Variants in ANAPC1 observed in about 807,000 individuals in gnomAD.
ANAPC1 encodes the protein anaphase-promoting complex subunit 1.
In ANAPC1, 36 loss-of-function variants were observed where a neutral mutation model predicts 208.0. That is an observed-to-expected ratio of 0.17 (90% CI 0.13 to 0.23). The LOEUF (loss-of-function observed/expected upper bound fraction) is 0.23. ANAPC1 is among the 10% of genes least tolerant of loss of function. ANAPC1 has a pLI of 1.00. For missense variants in ANAPC1, 942 were observed against 2,011.6 expected (o/e 0.47, Z 10.17); for synonymous variants, 378 against 695.2 (o/e 0.54, Z 7.18).
intron 9 of ANAPC1, among the ~76,000 whole-genome samples, chr2:111,863,074 C>T (rs1164279812): frequency 3.3e-5 from 5 of 151,972 alleles, no homozygotes; most frequent in Admixed American, 6.6e-5. Context: ...AATAGTGCCA[C>T]AGTATTTTGG....
chr2:111,819,978 C>G (rs369974158), intron 26 of ANAPC1, among the ~76,000 whole-genome samples: 2 of 152,158 alleles, frequency 1.3e-5, no homozygotes, highest in Admixed American at 1.3e-4. Flanking sequence ...AAATCTTACA[C>G]ATAATTCACT....
chr2:111,831,335 G>A lies in ANAPC1; in HGVS notation c.2576C>T (p.Pro859Leu), dbSNP rs141167389. The stretch of plus-strand genomic sequence containing the variant: ...ACAGATTCCAGGGAGGTAAGGATAA[G>A]GTGGCATTCCTTCACCCTTCAGACA... ...SSCLKGEGMP[P>L]YPYLPGICER... Residue 859 changes from proline to leucine, a missense_variant, in exon 21 of 48, where the codon CCT (proline) becomes CTT (leucine). Transcript: ENST00000341068. The A allele has an allele frequency of 6.2e-7, 1 of 1,611,898 alleles. No individual in the cohort carries two copies. The highest frequency in any genetic ancestry group is 1.3e-5 in the African/African-American group (1 of 74,948).
Position 111,862,402 on chromosome 2 carries a change from T to A in ANAPC1, c.1249A>T (p.Ile417Phe). 1 of 1,552,796 alleles carries A rather than the reference T, an allele frequency of 6.4e-7. No homozygotes were observed. Among genetic ancestry groups the A allele is most frequent in the Non-Finnish European group, 8.7e-7 (1 of 1,152,152 alleles). Residue 417 changes from isoleucine to phenylalanine, a missense_variant, in exon 10 of 48, where the codon ATT (isoleucine) becomes TTT (phenylalanine). Coordinates refer to ENST00000341068, the MANE Select transcript of ANAPC1 (RefSeq NM_022662.4). The part of the protein sequence containing the change: ...LCIDHLWTET[I>F]TNIREKNSQA... ...TATATAACAAACCTTATATTAGTAA[T>A]CGTTTCTGTCCACAAATGGTCAATA...
rs752203127 is a variant in ANAPC1, at chr2:111,794,243, A to G, written c.4454T>C (p.Phe1485Ser). ...RFAGSENLSA[F>S]NCLHKFAKDF... ...TAAAATACTTCTTACCAAACAGTTAAATGCTGATAAGTTTTCTGAGCCAGC... is the reference window on the plus strand; with the variant it reads ...TAAAATACTTCTTACCAAACAGTTAGATGCTGATAAGTTTTCTGAGCCAGC... Residue 1485 changes from phenylalanine to serine, a missense_variant, in exon 36 of 48, where the codon TTT (phenylalanine) becomes TCT (serine). Coordinates refer to ENST00000341068, the MANE Select transcript of ANAPC1 (RefSeq NM_022662.4). The G allele has an allele frequency of 6.2e-7, 1 of 1,612,220 alleles. No homozygotes were observed. The highest frequency in any genetic ancestry group is 8.5e-7 in the Non-Finnish European group (1 of 1,179,260).
chr2:111,871,606 G>T (rs1191047284), intron 6 of ANAPC1, among the ~76,000 whole-genome samples: 1 of 152,098 alleles, frequency 6.6e-6, no homozygotes, highest in East Asian at 1.9e-4. Context: ...CAAAAAATTA[G>T]CCAGGCGTGG....
rs563458133 is a variant in ANAPC1, at chr2:111,846,703, G to A, written c.1852+435C>T. ...TCCTGCTTCAGACTCCCAAGTAGCT[G>A]AGATTACAGAAGTGCGCCACCACAC... On this transcript the variant is annotated intron_variant, in intron 16 of 47. Coordinates refer to ENST00000341068, the MANE Select transcript of ANAPC1 (RefSeq NM_022662.4). 1.4e-4 allele frequency among the ~76,000 whole-genome samples: 21 copies of A among 150,864 alleles called. 1 individual carries two copies. In the East Asian group the frequency reaches 4.1e-3, roughly 30 times the overall value.
At chr2:111,873,899 G>T (rs1682893440) in intron 3 of ANAPC1, among the ~76,000 whole-genome samples, 1 of 151,614 alleles carries the variant, frequency 6.6e-6, no homozygotes, top group Admixed American at 6.6e-5. Context: ...AAGATCCATA[G>T]GAATTAAAAT....
At chr2:111,820,120 ACACCTGTT>A (rs1679443958) in intron 26 of ANAPC1, among the ~76,000 whole-genome samples, 1 of 152,372 alleles carries the variant, frequency 6.6e-6, no homozygotes, top group South Asian at 2.1e-4. Context: ...TTAAACTATG[ACACCTGTT>A]CACTGAAATA....
intron 18 of ANAPC1, among the ~76,000 whole-genome samples, chr2:111,837,093 GGATA>G (rs1214007025): frequency 2.0e-5 from 3 of 151,086 alleles, no homozygotes; most frequent in Non-Finnish European, 4.4e-5. Flanking sequence ...AGCAGAAGAA[GGATA>G]GATAAACAAA....
chr2:111,775,047 C>A (rs1208220032), intron 46 of ANAPC1, among the ~76,000 whole-genome samples: 4 of 152,140 alleles, frequency 2.6e-5, no homozygotes, highest in African/African-American at 4.8e-5. Flanking sequence ...GCACGTAGAT[C>A]ATGAGGTCAG....
At chr2:111,828,607 T>A (rs1276757291) in intron 21 of ANAPC1, among the ~76,000 whole-genome samples, 1 of 152,230 alleles carries the variant, frequency 6.6e-6, no homozygotes, top group Non-Finnish European at 1.5e-5. Context: ...CTATATAGAA[T>A]ACTGCCTTTA....
chr2:111,799,101 A>C (rs1678309874), intron 34 of ANAPC1, among the ~76,000 whole-genome samples: 1 of 152,210 alleles, frequency 6.6e-6, no homozygotes, highest in South Asian at 2.1e-4. Context: ...CCAGCAACGC[A>C]GTAATAAAAA....
intron 17 of ANAPC1, among the ~76,000 whole-genome samples, chr2:111,840,063 C>G (rs1680678680): frequency 6.6e-6 from 1 of 152,092 alleles, no homozygotes; most frequent in African/African-American, 2.4e-5. Flanking sequence ...CATGCCTGGC[C>G]CACAGCAGGG....
intron 15 of ANAPC1, among the ~76,000 whole-genome samples, chr2:111,847,445 G>C (rs970685383): frequency 1.3e-5 from 2 of 152,148 alleles, no homozygotes; most frequent in African/African-American, 4.8e-5. Flanking sequence ...ATCATCAAAA[G>C]GACATTTACT....
intron 38 of ANAPC1, among the ~76,000 whole-genome samples, chr2:111,790,068 A>G (rs1325624046): frequency 6.6e-6 from 1 of 152,292 alleles, no homozygotes; most frequent in African/African-American, 2.4e-5. Flanking sequence ...GTGAGTTCCA[A>G]TGGTAAGCTC....
chr2:111,795,198 A>C (rs1316364358), intron 34 of ANAPC1, among the ~76,000 whole-genome samples: 131 of 152,278 alleles, frequency 8.6e-4, no homozygotes, highest in African/African-American at 3.1e-3. Context: ...CCTGACCAAC[A>C]TGGTGAAACC....
At chr2:111,827,787 A>T (rs1679917757) in intron 21 of ANAPC1, among the ~76,000 whole-genome samples, 1 of 152,054 alleles carries the variant, frequency 6.6e-6, no homozygotes, top group African/African-American at 2.4e-5. Context: ...AAAAAAGTCC[A>T]ATAAAACTTA....
chr2:111,833,199 T>C lies in ANAPC1; in HGVS notation c.2476+21A>G, dbSNP rs190597069. On this transcript the variant is annotated intron_variant, in intron 20 of 47. Coordinates refer to ENST00000341068, the MANE Select transcript of ANAPC1 (RefSeq NM_022662.4). ...ATATCACTACACTGTTTAGAAAATA[T>C]TTAAAAGCACGACTACTTACCTGGA... The C allele has an allele frequency of 1.3e-3, 2,096 of 1,568,114 alleles. 12 individuals are homozygous for C. Among genetic ancestry groups the C allele is most frequent in the African/African-American group, 0.011 (848 of 74,124 alleles).
At chr2:111,793,243 T>C (rs1440501771) in intron 37 of ANAPC1, among the ~76,000 whole-genome samples, 1 of 149,074 alleles carries the variant, frequency 6.7e-6, no homozygotes, top group Admixed American at 6.6e-5. Flanking sequence ...TTTGTTGTTG[T>C]TGTTTTTTTT....
Sources: allele counts gnomAD v4.1 joint callset (sites outside exome capture counted in the v4.1 genomes callset), GRCh38; gene constraint gnomAD v4.1.1; transcripts MANE v1.5; gene names NCBI Gene and HGNC (gene_info 2026-07-23, HGNC 2026-07-21).